Variants in CPZ observed in about 807,000 individuals in gnomAD.
CPZ encodes carboxypeptidase Z.
Under a neutral mutation model 61.8 loss-of-function variants are expected in CPZ, and 103 were observed. The observed-to-expected ratio is 1.67, with a 90% CI of 1.42 to 1.96. The LOEUF (loss-of-function observed/expected upper bound fraction) is 1.96, where lower values mean the gene tolerates loss of function less well. CPZ is among the 30% of genes most tolerant of loss of function. CPZ has a pLI of 0.00. For synonymous variants in CPZ, 551 were observed against 373.7 expected (o/e 1.47, Z -5.47); for missense variants, 1,461 against 914.9 (o/e 1.60, Z -7.70).
chr4:8,607,361 AC>A lies in CPZ; in HGVS notation c.1167del (p.Phe390SerfsTer35), dbSNP rs1035189753. ...SLHGGDLVVS[Y>X]PFDFSKHPQE... ...CATGGGGGCGACCTGGTGGTGTCCT[AC>A]CCCTTCGACTTCTCCAAGCACCCCC... On this transcript the variant is annotated frameshift_variant, in exon 7 of 11. Transcript: ENST00000360986. LOFTEE classifies it high-confidence loss of function. 2 of 1,613,864 alleles carry A rather than the reference AC, an allele frequency of 1.2e-6. No homozygotes were observed. Among genetic ancestry groups the A allele is most frequent in the African/African-American group, 2.7e-5 (2 of 74,956 alleles).
In CPZ at chr4:8,611,933, T is replaced by C; in HGVS notation, c.1228-94T>C. On this transcript the variant is annotated intron_variant, in intron 7 of 10. Coordinates refer to ENST00000360986, the MANE Select transcript of CPZ (RefSeq NM_001014447.3). ...TCCCCTCTCCTATCTGCAATGCAGG[T>C]GTTTGCACGCGCAGCTCCTCCCCTC... The C allele has an allele frequency of 1.3e-6, 2 of 1,556,360 alleles. 1 individual carries two copies. The highest frequency in any genetic ancestry group is 2.3e-5 in the South Asian group (2 of 87,248).
chr4:8,605,873 A>T (rs1396333825), intron 4 of CPZ, 116 bp from the exon 5 acceptor site: 2 of 1,032,902 alleles, frequency 1.9e-6, no homozygotes, highest in Non-Finnish European at 2.8e-6. Context: ...CTTGAGTCAA[A>T]ACAAGTATGA....
In CPZ at chr4:8,606,058, A is replaced by G. The variant is rs2109324608; in HGVS notation, c.779A>G (p.Tyr260Cys). ...GTGGCGGGCCGGGAGATGCTCATCT[A>G]CCTAGCCCAGTACCTGTGCTCTGAG... ...NEVAGREMLI[Y>C]LAQYLCSEYL... Residue 260 changes from tyrosine to cysteine, a missense_variant, in exon 5 of 11, where the codon TAC becomes TGC. By Grantham distance (194) the Tyr-to-Cys change is radical. Coordinates refer to ENST00000360986, the MANE Select transcript of CPZ (RefSeq NM_001014447.3). The G allele has an allele frequency of 3.1e-6, 5 of 1,613,934 alleles. No individual in the cohort carries two copies. The highest frequency in any genetic ancestry group is 4.2e-6 in the Non-Finnish European group (5 of 1,179,812).
At position 8,606,251 on chromosome 4, in the gene CPZ, T is replaced by C. The variant is rs530060034; in HGVS notation, c.906+66T>C. 962 of 1,469,440 alleles carry C rather than the reference T, an allele frequency of 6.5e-4. 2 individuals are homozygous for C. The highest frequency in any genetic ancestry group is 8.6e-4 in the Non-Finnish European group (937 of 1,084,306). The allele number at this position is 1,469,440 out of a possible 1,614,324, so 91.0% of individuals were successfully genotyped here. On this transcript the variant is annotated intron_variant, in intron 5 of 10. Coordinates refer to ENST00000360986, the MANE Select transcript of CPZ (RefSeq NM_001014447.3). ...AACCACCCCCTCATTCATCCATTTA[T>C]GAGTAGTTTATCCCAGCAGTGCTTC...
rs1560292929 is a variant in CPZ at position 8,604,022 on chromosome 4, C to G, written c.543C>G (p.Thr181=). ...DEALPSGLPP[T]FIRFSHHSYA... is the part of the protein sequence containing the mutation. ...CACTGCCCTCAGGGCTGCCGCCCAC[C>G]TTCATCCGCTTCAGCCACCACTCCT... is the stretch of plus-strand genomic sequence containing the variant. The change falls in exon 4 of 11, where the codon ACC becomes ACG. Residue 181 remains threonine (T), a synonymous_variant. Transcript: ENST00000360986. The G allele has an allele frequency of 6.2e-7, 1 of 1,612,136 alleles. No individual in the cohort carries two copies. Among genetic ancestry groups the G allele is most frequent in the East Asian group, 2.2e-5 (1 of 44,884 alleles).
intron 10 of CPZ, 127 bp from the exon 11 acceptor site, chr4:8,619,135 C>T (rs1560306574): frequency 2.6e-6 from 2 of 758,832 alleles, no homozygotes; most frequent in Non-Finnish European, 4.2e-6. Context: ...CAGGCCCACA[C>T]AGAGGCAAGT....
At chr4:8,605,279 A>G (rs991920449) in intron 4 of CPZ, among the ~76,000 whole-genome samples, 3 of 149,378 alleles carry the variant, frequency 2.0e-5, no homozygotes, top group South Asian at 2.2e-4. Flanking sequence ...CAGTAAGGCC[A>G]TGGGGCCTGG....
In CPZ at chr4:8,603,976, G is replaced by T. The variant is rs760391178; in HGVS notation, c.497G>T (p.Gly166Val). ...GCYDPLEKLR[G>V]GLEADEALPS... ...CTGAGCCCCCCCACTGCTCCCCCAG[G>T]AGGCCTGGAGGCTGACGAGGCACTG... Residue 166 changes from glycine (G) to valine (V), a missense_variant and splice_region_variant, in exon 4 of 11, where the codon GGA (glycine) becomes GTA (valine). Physicochemically the swap from Gly to Val is moderately radical, Grantham distance 109. Coordinates refer to ENST00000360986, the MANE Select transcript of CPZ (RefSeq NM_001014447.3). 5.0e-6 allele frequency: 8 copies of T among 1,612,030 alleles called. No homozygotes were observed. In the Admixed American group the frequency reaches 1.3e-4, roughly 27 times the overall value.
At chr4:8,594,390 G>T (rs565623512) in intron 1 of CPZ, among the ~76,000 whole-genome samples, 34 of 152,288 alleles carry the variant, frequency 2.2e-4, no homozygotes, top group African/African-American at 7.7e-4. Flanking sequence ...CCCTTCCCTG[G>T]TGGAAGATTC....
At chr4:8,599,810 C>T in intron 2 of CPZ, 1 of 374,330 alleles carries the variant, frequency 2.7e-6, no homozygotes, top group Non-Finnish European at 4.7e-6. Context: ...TTCATGGTCA[C>T]TGGCTCTGTG....
At chr4:8,593,148 C>T (rs1577104234) in intron 1 of CPZ, among the ~76,000 whole-genome samples, 1 of 152,146 alleles carries the variant, frequency 6.6e-6, no homozygotes, top group Non-Finnish European at 1.5e-5. Flanking sequence ...AGGCCGGGAC[C>T]CCAGGCAGCA....
intron 1 of CPZ, chr4:8,597,279 C>T (rs1040919378): frequency 6.6e-6 from 1 of 152,206 alleles, no homozygotes; most frequent in Non-Finnish European, 1.5e-5. Context: ...TCTGCTCTTC[C>T]CAACATCACC....
chr4:8,619,444 C>G lies in CPZ; in HGVS notation c.1786C>G (p.Arg596Gly), dbSNP rs143979607. The change falls in exon 11 of 11, where the codon CGG (arginine) becomes GGG (glycine). Residue 596 changes from arginine to glycine, a missense_variant. Physicochemically the swap from Arg to Gly is moderately radical, Grantham distance 125. Transcript: ENST00000360986. The part of the protein sequence containing the change: ...MGPKNFIHGL[R>G]RTGPHDPLGG... ...ACCCAAGAACTTTATTCATGGGCTGCGGAGGACTGGGCCCCACGACCCACT... is the reference window on the plus strand; with the variant it reads ...ACCCAAGAACTTTATTCATGGGCTGGGGAGGACTGGGCCCCACGACCCACT... 40 of 1,613,338 alleles carry G rather than the reference C, an allele frequency of 2.5e-5. No individual in the cohort carries two copies. Among genetic ancestry groups the G allele is most frequent in the Non-Finnish European group, 3.4e-5 (40 of 1,179,696 alleles).
chr4:8,609,167 C>G (rs1165683291), intron 7 of CPZ, among the ~76,000 whole-genome samples: 2 of 24,338 alleles, frequency 8.2e-5, no homozygotes, highest in South Asian at 3.1e-3. Context: ...CACTCATTCA[C>G]TCACCCATTC....
At chr4:8,618,737 C>T (rs2302569) in intron 10 of CPZ, among the ~76,000 whole-genome samples, 19,751 of 152,144 alleles carry the variant, frequency 0.13, 1,524 homozygotes, top group East Asian at 0.31. Context: ...CTTGCCCAGC[C>T]GTAGCTACTG....
chr4:8,605,347 C>CATCCATCCATCCA (rs1324016687), intron 4 of CPZ, among the ~76,000 whole-genome samples: 1 of 131,704 alleles, frequency 7.6e-6, no homozygotes, highest in Non-Finnish European at 1.5e-5. Flanking sequence ...TCCATCCATC[C>CATCCATCCATCCA]ATTTATTCAT....
chr4:8,601,339 G>A lies in CPZ; in HGVS notation c.338G>A (p.Trp113Ter). The A allele has an allele frequency of 1.2e-6, 2 of 1,607,172 alleles. No homozygotes were observed. Among genetic ancestry groups the A allele is most frequent in the Non-Finnish European group, 1.7e-6 (2 of 1,175,432 alleles). Residue 113 changes from tryptophan to a stop codon, truncating the protein, a stop_gained, in exon 3 of 11, where the codon TGG (tryptophan) becomes TAG (stop). Transcript: ENST00000360986. LOFTEE classifies it high-confidence loss of function. ...CTGGCCCCCCGGTGTGAGGGCGGCT[G>A]GGTGCGCAGACCCTGCCGGCACATC... ...AVLAPRCEGG[W>*]VRRPCRHICE...
intron 1 of CPZ, among the ~76,000 whole-genome samples, chr4:8,593,885 G>A (rs1386388499): frequency 1.3e-5 from 2 of 152,130 alleles, no homozygotes; most frequent in African/African-American, 4.8e-5. Flanking sequence ...TACCCGCTGC[G>A]TGTGTGCTCA....
chr4:8,608,780 T>TGCAGGGCAGG (rs142690595), intron 7 of CPZ, among the ~76,000 whole-genome samples: 3 of 151,750 alleles, frequency 2.0e-5, no homozygotes, highest in Admixed American at 2.0e-4. Flanking sequence ...GATTTCCAGC[T>TGCAGGGCAGG]GCAGGGCAGG....
Sources: allele counts gnomAD v4.1 joint callset (sites outside exome capture counted in the v4.1 genomes callset), GRCh38; gene constraint gnomAD v4.1.1; transcripts MANE v1.5; gene names NCBI Gene and HGNC (gene_info 2026-07-23, HGNC 2026-07-21).